Variants in HERC4 observed in about 807,000 individuals in gnomAD.
The protein encoded by HERC4 is probable E3 ubiquitin-protein ligase HERC4.
A neutral mutation model predicts 124.3 loss-of-function variants in HERC4; 28 were observed. The ratio of observed to expected loss-of-function variants is 0.23; its 90% CI spans 0.17 to 0.31. HERC4 has a LOEUF of 0.31. Among genes scored for constraint, HERC4 ranks in the 10% least tolerant of loss-of-function variants. The pLI, the probability that HERC4 is intolerant of heterozygous loss-of-function variation, is 1.00. For missense variants in HERC4, 713 were observed against 1,229.3 expected (o/e 0.58, Z 6.28); for synonymous variants, 407 against 421.5 (o/e 0.97, Z 0.42).
At chr10:67,995,708 A>C (rs117129912) in intron 9 of HERC4, among the ~76,000 whole-genome samples, 5,952 of 152,192 alleles carry the variant, frequency 0.039, 177 homozygotes, top group South Asian at 0.095. Flanking sequence ...CATTTAAACA[A>C]ATTTATCTAA....
At chr10:68,043,320 A>T (rs1463763311) in intron 4 of HERC4, among the ~76,000 whole-genome samples, 1 of 152,182 alleles carries the variant, frequency 6.6e-6, no homozygotes, top group Non-Finnish European at 1.5e-5. Flanking sequence ...ACAGTTTTTT[A>T]AAAATCTTAA....
chr10:68,042,471 A>T (rs2039820272), intron 4 of HERC4, among the ~76,000 whole-genome samples: 1 of 152,184 alleles, frequency 6.6e-6, no homozygotes, highest in Non-Finnish European at 1.5e-5. Context: ...AAAAAATACA[A>T]AATTGGCCAA....
chr10:68,024,770 C>A (rs1340198518), intron 8 of HERC4, among the ~76,000 whole-genome samples: 4 of 152,134 alleles, frequency 2.6e-5, no homozygotes, highest in African/African-American at 7.2e-5. Context: ...AAAAAAGGTA[C>A]ATTTTGCTAC....
At chr10:67,977,690 A>G (rs1221303118) in intron 15 of HERC4, among the ~76,000 whole-genome samples, 1 of 152,178 alleles carries the variant, frequency 6.6e-6, no homozygotes, top group Non-Finnish European at 1.5e-5. Context: ...CTGACTAAAG[A>G]GCCCTTAAGG....
chr10:68,060,795 G>A (rs2040967194), intron 3 of HERC4, among the ~76,000 whole-genome samples: 1 of 152,076 alleles, frequency 6.6e-6, no homozygotes, highest in African/African-American at 2.4e-5. Context: ...AGAGAGCCTA[G>A]TTATGAAATC....
chr10:68,017,515 G>A (rs768581975), intron 8 of HERC4, among the ~76,000 whole-genome samples: 6 of 152,052 alleles, frequency 3.9e-5, no homozygotes, highest in Admixed American at 1.3e-4. Flanking sequence ...CAGAGTTTTC[G>A]CTCTGTTGCC....
At chr10:67,948,335 A>T (rs1010181572) in intron 19 of HERC4, among the ~76,000 whole-genome samples, 2 of 152,130 alleles carry the variant, frequency 1.3e-5, no homozygotes, top group African/African-American at 4.8e-5. Context: ...CAAGAAAAAA[A>T]CAATCCCATC....
At chr10:68,034,327 A>C in intron 5 of HERC4, 141 bp from the exon 6 acceptor site, 1 of 645,792 alleles carries the variant, frequency 1.5e-6, no homozygotes, top group Non-Finnish European at 2.6e-6. Flanking sequence ...TATAAATATT[A>C]TTTTTAGCAA....
chr10:68,033,901 G>T, intron 6 of HERC4, 64 bp downstream of exon 6: 1 of 1,308,302 alleles, frequency 7.6e-7, no homozygotes, highest in Non-Finnish European at 1.1e-6. Context: ...AAGAATCACT[G>T]ATCTAACTCA....
At chr10:68,049,634 G>C (rs907011707) in intron 3 of HERC4, among the ~76,000 whole-genome samples, 1 of 122,328 alleles carries the variant, frequency 8.2e-6, no homozygotes, top group Non-Finnish European at 1.6e-5. Context: ...ACTAACAAAC[G>C]AACAGGCACA....
chr10:68,040,289 G>A, intron 4 of HERC4: 2 of 979,468 alleles, frequency 2.0e-6, no homozygotes, highest in Non-Finnish European at 1.2e-6. Context: ...GAGACCAGAA[G>A]TATATTCTTC....
intron 15 of HERC4, among the ~76,000 whole-genome samples, chr10:67,967,003 C>T (rs2034913731): frequency 6.6e-6 from 1 of 152,232 alleles, no homozygotes; most frequent in Non-Finnish European, 1.5e-5. Context: ...TACAAGCACC[C>T]GCCATCATGA....
chr10:68,032,350 G>T (rs150800454), intron 7 of HERC4, among the ~76,000 whole-genome samples: 129 of 152,266 alleles, frequency 8.5e-4, no homozygotes, highest in African/African-American at 3.0e-3. Flanking sequence ...GAATAACAGA[G>T]AAATTCATCT....
At position 68,049,590 on chromosome 10, in the gene HERC4, C is replaced by CCAAAAAAA. The variant is rs1554827735; in HGVS notation, c.227-5028_227-5027insTTTTTTTG. 2.6e-4 allele frequency among the ~76,000 whole-genome samples: 11 copies of CCAAAAAAA among 42,610 alleles called. 1 individual carries two copies. The highest frequency in any genetic ancestry group is 1.2e-3 in the African/African-American group (10 of 8,522). 28.0% of individuals were successfully genotyped at this position (42,610 alleles called of 152,430 possible). A position where few individuals can be genotyped will look rare whatever the true frequency, so the allele number is the denominator to read the frequency against. ...TGGGTGACAGAGTGAGACACTGCCA[C>CCAAAAAAA]AAAAAAAAAAAAAAAAAAAAAAACA... is the stretch of plus-strand genomic sequence containing the variant. On this transcript the variant is annotated intron_variant, in intron 3 of 24. Transcript: ENST00000373700.
intron 23 of HERC4, among the ~76,000 whole-genome samples, chr10:67,929,657 G>A (rs1257807266): frequency 2.0e-5 from 3 of 151,768 alleles, no homozygotes; most frequent in Non-Finnish European, 4.4e-5. Flanking sequence ...TGGGACTACT[G>A]GTGCACGCCA....
At chr10:68,006,713 T>G (rs964174839) in intron 9 of HERC4, among the ~76,000 whole-genome samples, 1 of 152,122 alleles carries the variant, frequency 6.6e-6, no homozygotes, top group Non-Finnish European at 1.5e-5. Context: ...AAGTCTTTAT[T>G]TCTCCTTCAC....
intron 3 of HERC4, chr10:68,069,300 A>G (rs1224112472): frequency 1.0e-6 from 1 of 972,344 alleles, no homozygotes; most frequent in Non-Finnish European, 1.2e-6. Flanking sequence ...AAATTGAGAC[A>G]TTAGCTTAAA....
chr10:68,073,276 TG>T, intron 2 of HERC4, 90 bp from the exon 3 acceptor site: 2 of 587,934 alleles, frequency 3.4e-6, no homozygotes, highest in Non-Finnish European at 6.0e-6. Context: ...AATTGCTACA[TG>T]GTAAACATTA....
chr10:68,058,328 G>C (rs569567673), intron 3 of HERC4, among the ~76,000 whole-genome samples: 1 of 152,156 alleles, frequency 6.6e-6, no homozygotes, highest in South Asian at 2.1e-4. Context: ...ACAGCAGGAA[G>C]ACAACTGTCT....
Sources: gnomAD v4.1 joint callset for allele counts (sites outside exome capture counted in the v4.1 genomes callset) on GRCh38, gnomAD v4.1.1 for gene constraint, MANE v1.5 for transcripts, NCBI Gene and HGNC (gene_info 2026-07-23, HGNC 2026-07-21) for gene names.